The following PAICS variants were observed in gnomAD, a reference collection of about 807,000 sequenced individuals.
The protein encoded by PAICS is bifunctional phosphoribosylaminoimidazole carboxylase/phosphoribosylaminoimidazole succinocarboxamide synthetase.
A neutral mutation model predicts 53.7 loss-of-function variants in PAICS; 33 were observed. The observed-to-expected ratio is 0.61, with a 90% confidence interval of 0.47 to 0.82. PAICS has a LOEUF of 0.82. Ranked by LOEUF, PAICS falls within the 40% of genes least tolerant of loss-of-function variation. The pLI, the probability that PAICS is intolerant of heterozygous loss-of-function variation, is 0.00. For synonymous variants in PAICS, 141 were observed against 167.2 expected, an observed-to-expected ratio of 0.84 and a Z score of 1.21; for missense variants, 394 against 494.1, an observed-to-expected ratio of 0.80 and a Z score of 1.92.
At chr4:56,437,115 GGTGT>G (rs908271224) in intron 1 of PAICS, among the ~76,000 whole-genome samples, 2 of 150,956 alleles carry the variant, frequency 1.3e-5, no homozygotes, top group Non-Finnish European at 3.0e-5. Context: ...GATAGCTTGG[GGTGT>G]GTGTACGTGC....
rs1215887874 is a variant in PAICS, at chr4:56,462,065, G to C, written c.*2527G>C. Reference sequence around the variant, plus strand: ...TTGTCCAGATGGAACTTATGTTTTAGAGGGGAAAACAAACCATAAAAAGGT... The same window carrying C: ...TTGTCCAGATGGAACTTATGTTTTACAGGGGAAAACAAACCATAAAAAGGT... On this transcript the variant is annotated 3_prime_UTR_variant, in exon 9 of 9. Coordinates refer to ENST00000512576, the MANE Select transcript of PAICS (RefSeq NM_001079524.2). 1.3e-5 allele frequency: 2 copies of C among 152,190 alleles called. No individual in the cohort carries two copies. The highest frequency in any genetic ancestry group is 4.8e-5 in the African/African-American group (2 of 41,438). The allele number at this position is 152,190 out of a possible 1,614,324, so 9.4% of individuals were successfully genotyped here. A position where few individuals can be genotyped will look rare whatever the true frequency, so the allele number is the denominator to read the frequency against.
intron 7 of PAICS, among the ~76,000 whole-genome samples, chr4:56,453,198 G>C (rs1468731913): frequency 6.6e-6 from 1 of 152,084 alleles, no homozygotes; most frequent in African/African-American, 2.4e-5. Flanking sequence ...TAAACCCCTA[G>C]TTTATATTAA....
intron 8 of PAICS, among the ~76,000 whole-genome samples, chr4:56,454,006 T>C (rs1430929424): frequency 1.3e-5 from 2 of 152,206 alleles, no homozygotes; most frequent in African/African-American, 4.8e-5. Flanking sequence ...AATCATGATA[T>C]TGTTATAGAA....
chr4:56,429,270 C>T, the PAICS span, among the ~76,000 whole-genome samples: 6 of 152,100 alleles, frequency 3.9e-5, no homozygotes, highest in South Asian at 4.2e-4. Context: ...AAAACTTGCC[C>T]GGAGTTAGGT....
At chr4:56,435,801 A>T, upstream of PAICS, 2 of 1,512,978 alleles carry the variant, frequency 1.3e-6, no homozygotes, top group Non-Finnish European at 1.8e-6. Flanking sequence ...GCACGTGGAA[A>T]TCTCCGTTAT....
intron 3 of PAICS, among the ~76,000 whole-genome samples, chr4:56,448,189 A>G (rs1718711090): frequency 6.8e-6 from 1 of 146,052 alleles, no homozygotes; most frequent in South Asian, 2.1e-4. Flanking sequence ...TTGTAATTTT[A>G]GTAGACAGGG....
At chr4:56,448,266 A>T (rs143850451) in intron 3 of PAICS, among the ~76,000 whole-genome samples, 152 bp from the exon 4 acceptor site, 1,827 of 152,124 alleles carry the variant, frequency 0.012, 26 homozygotes, top group Non-Finnish European at 0.017. Context: ...CAGCCCCCTA[A>T]AGTGCTGGGA....
chr4:56,457,899 G>C (rs1217923434), intron 8 of PAICS, among the ~76,000 whole-genome samples: 1 of 152,022 alleles, frequency 6.6e-6, no homozygotes, highest in Non-Finnish European at 1.5e-5. Flanking sequence ...CTGTTATCTG[G>C]CCTTGTGTGT....
intron 7 of PAICS, among the ~76,000 whole-genome samples, chr4:56,452,717 G>A (rs905846754): frequency 6.6e-6 from 1 of 152,128 alleles, no homozygotes; most frequent in African/African-American, 2.4e-5. Context: ...CGGTTCTCCC[G>A]GGAATCTTTA....
At position 56,462,580 on chromosome 4, in the gene PAICS, CAT is replaced by C. The variant is rs1361660656; in HGVS notation, c.*3044_*3045del. On this transcript the variant is annotated 3_prime_UTR_variant, in exon 9 of 9. Transcript: ENST00000512576. ...AATGAAAATGCGACTAATACCACCT[CAT>C]AAAGTTGTGAGAATTACATGAGTCA... 1 of 152,198 alleles carries C rather than the reference CAT, an allele frequency of 6.6e-6. No homozygotes were observed. The highest frequency in any genetic ancestry group is 1.5e-5 in the Non-Finnish European group (1 of 68,032). 9.4% of individuals were successfully genotyped at this position (152,198 alleles called of 1,614,324 possible).
chr4:56,414,468 A>C, the PAICS span, among the ~76,000 whole-genome samples: 1 of 152,216 alleles, frequency 6.6e-6, no homozygotes, highest in African/African-American at 2.4e-5. Flanking sequence ...ATGGCTGCCA[A>C]ACCACATTCC....
the PAICS span, among the ~76,000 whole-genome samples, chr4:56,423,774 T>G: frequency 6.6e-6 from 1 of 152,044 alleles, no homozygotes; most frequent in Non-Finnish European, 1.5e-5. Flanking sequence ...TATTTTAAAC[T>G]GTCACATGAA....
chr4:56,448,007 CTTTTTTTT>C (rs35788109), intron 3 of PAICS, among the ~76,000 whole-genome samples: 1 of 122,026 alleles, frequency 8.2e-6, no homozygotes, highest in South Asian at 2.6e-4. Flanking sequence ...AATTTCTTTT[CTTTTTTTT>C]TTTTTTTTTT....
At chr4:56,458,282 C>T (rs1560666272) in intron 8 of PAICS, among the ~76,000 whole-genome samples, 5 of 146,820 alleles carry the variant, frequency 3.4e-5, no homozygotes. Flanking sequence ...CACTAGATAA[C>T]TTTTTTTTTT....
chr4:56,435,616 G>A (rs998960998), upstream of PAICS: 55 of 1,478,472 alleles, frequency 3.7e-5, no homozygotes, highest in African/African-American at 6.8e-4. Flanking sequence ...CCCAGCTACT[G>A]CGGCGGCGCG....
chr4:56,444,971 T>C (rs1182579970), intron 2 of PAICS, among the ~76,000 whole-genome samples: 1 of 152,196 alleles, frequency 6.6e-6, no homozygotes, highest in African/African-American at 2.4e-5. Context: ...TGAGAATTGA[T>C]TGAAGTCACC....
In PAICS at chr4:56,446,507, A is replaced by G. The variant is rs537485914; in HGVS notation, c.215-188A>G. 1.4e-4 allele frequency: 93 copies of G among 664,650 alleles called. 1 individual carries two copies. In the East Asian group the frequency reaches 2.4e-3, roughly 17 times the overall value. 41.2% of individuals were successfully genotyped at this position (664,650 alleles called of 1,614,324 possible). ...TATGGCTGAACAATACATTGTATGT[A>G]TAGTCATGTGCTGCTTACTGTTTGA... On this transcript the variant is annotated intron_variant, in intron 2 of 8. Coordinates refer to ENST00000512576, the MANE Select transcript of PAICS (RefSeq NM_001079524.2).
At chr4:56,448,382 A>C in intron 3 of PAICS, 36 bp from the exon 4 acceptor site, 1 of 1,393,242 alleles carries the variant, frequency 7.2e-7, no homozygotes, top group South Asian at 1.6e-5. Context: ...AAAATTTTAG[A>C]TTGAAGTTAA....
upstream of PAICS, among the ~76,000 whole-genome samples, chr4:56,431,881 T>C (rs567324649): frequency 6.1e-4 from 93 of 152,310 alleles, no homozygotes; most frequent in African/African-American, 2.1e-3. Flanking sequence ...TTGGTGATTA[T>C]ATAAATCAGG....
Sources: allele counts gnomAD v4.1 joint callset (sites outside exome capture counted in the v4.1 genomes callset), GRCh38; gene constraint gnomAD v4.1.1; transcripts MANE v1.5; gene names NCBI Gene and HGNC (gene_info 2026-07-23, HGNC 2026-07-21).